The following ZMYND8 variants were observed in gnomAD, a reference collection of about 807,000 sequenced individuals.
ZMYND8 encodes the protein zinc finger MYND-type containing 8.
Under a neutral mutation model 140.8 loss-of-function variants are expected in ZMYND8, and 37 were observed. The observed-to-expected ratio is 0.26, with a 90% CI of 0.20 to 0.35. The LOEUF (loss-of-function observed/expected upper bound fraction) is 0.35. Among genes scored for constraint, ZMYND8 ranks in the 10% least tolerant of loss-of-function variants. ZMYND8 has a pLI of 1.00. For missense variants in ZMYND8, 1,068 were observed against 1,570.0 expected (o/e 0.68, Z 5.40); for synonymous variants, 592 against 597.1 (o/e 0.99, Z 0.12).
chr20:47,343,515 T>C (rs150475221), intron 2 of ZMYND8, among the ~76,000 whole-genome samples: 3 of 152,160 alleles, frequency 2.0e-5, no homozygotes, highest in Non-Finnish European at 4.4e-5. Flanking sequence ...ACAGAAGAAT[T>C]CTAAATTTTT....
rs1228682568 is a variant in ZMYND8, at chr20:47,210,661, A to G, written c.*100T>C. 8 of 1,596,358 alleles carry G rather than the reference A, an allele frequency of 5.0e-6. No homozygotes were observed. In the African/African-American group the frequency reaches 6.7e-5, roughly 13 times the overall value. On this transcript the variant is annotated 3_prime_UTR_variant, in exon 23 of 23. Transcript: ENST00000471951. The stretch of plus-strand genomic sequence containing the variant: ...TCAACTGAGGGTTTTGTCATTTTCA[A>G]GTCTGAAAGTGGCTGTTCTCCTGCC...
At chr20:47,270,873 C>T (rs1273066181) in intron 11 of ZMYND8, among the ~76,000 whole-genome samples, 5 of 151,594 alleles carry the variant, frequency 3.3e-5, no homozygotes, top group East Asian at 1.9e-4. Flanking sequence ...GTCAGGAGAT[C>T]GAGACCATCC....
intron 12 of ZMYND8, among the ~76,000 whole-genome samples, chr20:47,252,867 C>T (rs2074301206): frequency 6.6e-6 from 1 of 152,080 alleles, no homozygotes; most frequent in Non-Finnish European, 1.5e-5. Context: ...TGCAGTGAGC[C>T]GAGATCAGGC....
chr20:47,224,909 C>CA (rs11483523), intron 18 of ZMYND8, among the ~76,000 whole-genome samples: 3,213 of 150,234 alleles, frequency 0.021, 131 homozygotes, highest in East Asian at 0.17. Context: ...TAACATAAGC[C>CA]TTTTCCCCCC....
intron 3 of ZMYND8, among the ~76,000 whole-genome samples, chr20:47,304,765 G>A (rs747583512): frequency 6.6e-6 from 1 of 152,176 alleles, no homozygotes; most frequent in African/African-American, 2.4e-5. Context: ...CTCGCAGTGG[G>A]GGAGACAGCA....
chr20:47,268,383 T>C (rs887964691), intron 11 of ZMYND8, among the ~76,000 whole-genome samples: 1 of 144,744 alleles, frequency 6.9e-6, no homozygotes, highest in Non-Finnish European at 1.5e-5. Flanking sequence ...AGGCTCCGCC[T>C]CCCGGGTTCA....
chr20:47,318,618 C>T (rs752862945), intron 2 of ZMYND8: 1 of 406,956 alleles, frequency 2.5e-6, no homozygotes, highest in South Asian at 1.7e-5. Context: ...CTCGCATTAG[C>T]AAATGATTAT....
At chr20:47,304,900 C>A (rs2078358672) in intron 3 of ZMYND8, among the ~76,000 whole-genome samples, 1 of 152,160 alleles carries the variant, frequency 6.6e-6, no homozygotes, top group South Asian at 2.1e-4. Flanking sequence ...GCAATCCCTG[C>A]ACTCCCCTGA....
intron 14 of ZMYND8, among the ~76,000 whole-genome samples, chr20:47,243,915 C>T (rs937982857): frequency 4.6e-5 from 7 of 152,220 alleles, no homozygotes; most frequent in Admixed American, 4.6e-4. Context: ...CAATCCATAA[C>T]ATACTCATAT....
At chr20:47,243,164 A>G (rs1212346680) in intron 14 of ZMYND8, among the ~76,000 whole-genome samples, 1 of 152,244 alleles carries the variant, frequency 6.6e-6, no homozygotes, top group Admixed American at 6.5e-5. Flanking sequence ...TATTCTACCC[A>G]TAAGCTGCAT....
At chr20:47,257,458 C>T (rs1175287250) in intron 12 of ZMYND8, among the ~76,000 whole-genome samples, 2 of 151,766 alleles carry the variant, frequency 1.3e-5, no homozygotes, top group African/African-American at 4.8e-5. Flanking sequence ...TATATGCTCA[C>T]CATATACACA....
intron 11 of ZMYND8, 139 bp from the exon 12 acceptor site, chr20:47,262,567 T>C: frequency 1.7e-6 from 2 of 1,204,818 alleles, no homozygotes; most frequent in East Asian, 2.6e-5. Flanking sequence ...ACGAATGGGG[T>C]GGGGTGGAGC....
chr20:47,264,728 T>C (rs968593689), intron 11 of ZMYND8, among the ~76,000 whole-genome samples: 3 of 152,188 alleles, frequency 2.0e-5, no homozygotes, highest in South Asian at 4.1e-4. Flanking sequence ...AACTGAAGTG[T>C]TTGTTACACG....
At chr20:47,242,103 C>T (rs1161435787) in intron 14 of ZMYND8, among the ~76,000 whole-genome samples, 3 of 152,188 alleles carry the variant, frequency 2.0e-5, no homozygotes, top group South Asian at 2.1e-4. Context: ...AGGCGTGAGC[C>T]GCTGCGCCCG....
chr20:47,245,944 G>GT (rs2040516048), intron 14 of ZMYND8, 64 bp downstream of exon 14: 3 of 1,521,042 alleles, frequency 2.0e-6, no homozygotes, highest in South Asian at 1.4e-5. Context: ...ACTTTTGATA[G>GT]TAAGTGTACG....
At chr20:47,226,154 A>AG (rs2037684918) in intron 18 of ZMYND8, among the ~76,000 whole-genome samples, 1 of 149,702 alleles carries the variant, frequency 6.7e-6, no homozygotes, top group Admixed American at 6.6e-5. Flanking sequence ...TCTGTCTTAA[A>AG]AAAAAAAAAA....
chr20:47,280,124 CAAAAAAAA>C (rs72091806), intron 10 of ZMYND8, among the ~76,000 whole-genome samples: 1 of 90,874 alleles, frequency 1.1e-5, no homozygotes, highest in African/African-American at 4.0e-5. Flanking sequence ...GACTCTGCTC[CAAAAAAAA>C]AAAAAAAAAA....
chr20:47,316,551 G>C (rs1021679871), intron 2 of ZMYND8, among the ~76,000 whole-genome samples: 1 of 151,846 alleles, frequency 6.6e-6, no homozygotes, highest in Admixed American at 6.6e-5. Context: ...CCAGCACTTT[G>C]GGAGGCCGAG....
At chr20:47,349,327 A>G (rs2082588525) in intron 1 of ZMYND8, among the ~76,000 whole-genome samples, 1 of 152,206 alleles carries the variant, frequency 6.6e-6, no homozygotes, top group South Asian at 2.1e-4. Context: ...TTTCATTTAC[A>G]CCGCATCTGT....
Sources: gnomAD v4.1 joint callset for allele counts (sites outside exome capture counted in the v4.1 genomes callset) on GRCh38, gnomAD v4.1.1 for gene constraint, MANE v1.5 for transcripts, NCBI Gene and HGNC (gene_info 2026-07-23, HGNC 2026-07-21) for gene names.